The following SAMMSON variants were observed in gnomAD, a reference collection of about 807,000 sequenced individuals.
The protein encoded by SAMMSON is long intergenic non-protein coding RNA 1212.
intron 1 of SAMMSON, among the ~76,000 whole-genome samples, chr3:70,003,584 T>A (rs1420322563): frequency 4.0e-5 from 6 of 151,898 alleles, no homozygotes; most frequent in Non-Finnish European, 5.9e-5. Context: ...ATAGCCACTT[T>A]AATGCTATTT....
intron 4 of SAMMSON, among the ~76,000 whole-genome samples, chr3:70,190,872 C>T (rs1701127026): frequency 6.6e-6 from 1 of 152,108 alleles, no homozygotes; most frequent in Admixed American, 6.5e-5. Flanking sequence ...ACTGCCATGC[C>T]CACATTGGCA....
intron 7 of SAMMSON, among the ~76,000 whole-genome samples, chr3:70,301,558 TTTACTTAATTATATATTA>T (rs2106702033): frequency 6.6e-6 from 1 of 152,230 alleles, no homozygotes; most frequent in South Asian, 2.1e-4. Flanking sequence ...GTTGATTTCA[TTTACTTAATTATATATTA>T]TTTTGTAAAA....
At chr3:70,021,797 T>C (rs935825434) in intron 3 of SAMMSON, among the ~76,000 whole-genome samples, 6 of 152,216 alleles carry the variant, frequency 3.9e-5, no homozygotes, top group African/African-American at 1.4e-4. Context: ...TGTACAAATC[T>C]GTTTTTTTGG....
chr3:70,399,199 CGTT>C (rs952095247), intron 2 of SAMMSON, among the ~76,000 whole-genome samples: 1 of 152,146 alleles, frequency 6.6e-6, no homozygotes, highest in African/African-American at 2.4e-5. Context: ...ACAACATCCT[CGTT>C]GTTTATTTCC....
chr3:70,313,236 A>C (rs1220330999), intron 7 of SAMMSON, among the ~76,000 whole-genome samples: 3 of 152,176 alleles, frequency 2.0e-5, no homozygotes, highest in Non-Finnish European at 2.9e-5. Flanking sequence ...AGGCTGAGAC[A>C]AGAAATGGAT....
chr3:70,411,432 G>A (rs1575643937), intron 2 of SAMMSON, among the ~76,000 whole-genome samples: 1 of 152,118 alleles, frequency 6.6e-6, no homozygotes, highest in East Asian at 1.9e-4. Flanking sequence ...GAAACATTCA[G>A]CATATCCACT....
At chr3:70,227,341 G>GT (rs1430163478) in intron 4 of SAMMSON, among the ~76,000 whole-genome samples, 1 of 151,984 alleles carries the variant, frequency 6.6e-6, no homozygotes. Flanking sequence ...GTTTGTTTTT[G>GT]TTTTTTCCAT....
chr3:70,045,063 T>A (rs1211141825), intron 3 of SAMMSON, among the ~76,000 whole-genome samples: 1 of 98,660 alleles, frequency 1.0e-5, no homozygotes, highest in Non-Finnish European at 1.9e-5. Context: ...TTAATTATAA[T>A]ATATATTATA....
At chr3:70,158,686 A>T (rs918483120) in intron 4 of SAMMSON, among the ~76,000 whole-genome samples, 1 of 152,054 alleles carries the variant, frequency 6.6e-6, no homozygotes. Flanking sequence ...CAAGAAAAAC[A>T]TTGCTTGTAA....
At chr3:70,023,672 C>T (rs7648870) in intron 3 of SAMMSON, among the ~76,000 whole-genome samples, 5,768 of 152,152 alleles carry the variant, frequency 0.038, 323 homozygotes, top group African/African-American at 0.12. Flanking sequence ...CAGTAATTAT[C>T]GGTGGCTCCC....
chr3:70,062,846 C>T (rs757681764), intron 3 of SAMMSON, among the ~76,000 whole-genome samples: 3 of 152,096 alleles, frequency 2.0e-5, no homozygotes, highest in African/African-American at 2.4e-5. Context: ...TACCTGCAGC[C>T]GTGAGCTCAG....
At chr3:70,348,642 C>A (rs1702770209) in intron 7 of SAMMSON, among the ~76,000 whole-genome samples, 1 of 152,122 alleles carries the variant, frequency 6.6e-6, no homozygotes, top group Admixed American at 6.6e-5. Context: ...GGGACACAAA[C>A]ATTTAGTCTA....
intron 4 of SAMMSON, among the ~76,000 whole-genome samples, chr3:70,214,785 G>A (rs991907869): frequency 2.6e-5 from 4 of 152,030 alleles, no homozygotes; most frequent in Non-Finnish European, 5.9e-5. Flanking sequence ...AGACATGAAA[G>A]CAGTTTGCAA....
intron 4 of SAMMSON, among the ~76,000 whole-genome samples, chr3:70,089,779 G>T (rs546951466): frequency 6.6e-6 from 1 of 151,972 alleles, no homozygotes; most frequent in African/African-American, 2.4e-5. Flanking sequence ...GATAATTTTC[G>T]CAAGGTTTAA....
At chr3:70,031,128 G>A (rs1349550985) in intron 3 of SAMMSON, among the ~76,000 whole-genome samples, 1 of 152,116 alleles carries the variant, frequency 6.6e-6, no homozygotes, top group African/African-American at 2.4e-5. Context: ...TAGCCAAAAG[G>A]TGGAAACAAC....
intron 6 of SAMMSON, among the ~76,000 whole-genome samples, chr3:70,280,283 A>G (rs1675043535): frequency 6.6e-6 from 1 of 152,150 alleles, no homozygotes; most frequent in Admixed American, 6.5e-5. Context: ...CATGTGATCC[A>G]TGTAATCTCT....
In SAMMSON at chr3:70,269,417, A is replaced by G. The variant is rs535360443; in HGVS notation, n.674+19747A>G. 4.6e-5 allele frequency among the ~76,000 whole-genome samples: 7 copies of G among 152,338 alleles called. No homozygotes were observed. The South Asian group carries it at 6.2e-4, about 14-fold the overall frequency. On this transcript the variant is annotated intron_variant and non_coding_transcript_variant, in intron 6 of 9. Transcript: ENST00000642114. ...GGTCTCAATCCCTGAGTTTTGGCCA[A>G]TCAAAGGCAGTCAACTGTTCTAACC...
chr3:70,261,406 C>T (rs1017968135), intron 6 of SAMMSON, among the ~76,000 whole-genome samples: 1 of 152,186 alleles, frequency 6.6e-6, no homozygotes, highest in African/African-American at 2.4e-5. Flanking sequence ...AGCAGCTTCA[C>T]TCTCACTGTA....
chr3:70,214,026 G>A (rs1056803860), intron 4 of SAMMSON, among the ~76,000 whole-genome samples: 26 of 152,042 alleles, frequency 1.7e-4, no homozygotes, highest in Non-Finnish European at 3.4e-4. Flanking sequence ...GGGTAATAAA[G>A]CTGAGTGGAT....
Sources: gnomAD v4.1 joint callset for allele counts (sites outside exome capture counted in the v4.1 genomes callset) on GRCh38, gnomAD v4.1.1 for gene constraint, MANE v1.5 for transcripts, NCBI Gene and HGNC (gene_info 2026-07-23, HGNC 2026-07-21) for gene names.